The following TTC39C variants were observed in gnomAD, a reference collection of about 807,000 sequenced individuals.
TTC39C encodes tetratricopeptide repeat domain 39C, also known as tetratricopeptide repeat protein 39C.
In TTC39C, 33 loss-of-function variants were observed where a neutral mutation model predicts 76.3. The ratio of observed to expected loss-of-function variants is 0.43; its 90% CI spans 0.33 to 0.58. The LOEUF is 0.58. Ranked by LOEUF, TTC39C falls within the 20% of genes least tolerant of loss-of-function variation. TTC39C has a pLI of 0.04. For synonymous variants in TTC39C, 254 were observed against 260.6 expected, an observed-to-expected ratio of 0.97 and a Z score of 0.24; for missense variants, 595 against 701.4, an observed-to-expected ratio of 0.85 and a Z score of 1.71.
intron 1 of TTC39C, chr18:23,993,113 G>T (rs1239887071): frequency 1.3e-5 from 2 of 151,340 alleles, no homozygotes; most frequent in African/African-American, 4.9e-5. Flanking sequence ...TTATCATGTT[G>T]TCATTGCACT....
intron 1 of TTC39C, among the ~76,000 whole-genome samples, chr18:24,007,951 T>A (rs980981052): frequency 3.9e-5 from 6 of 152,196 alleles, no homozygotes; most frequent in Non-Finnish European, 8.8e-5. Flanking sequence ...TATTACAGAT[T>A]AACAAAGCAT....
At chr18:23,999,369 C>A (rs930682075) in intron 1 of TTC39C, among the ~76,000 whole-genome samples, 1 of 152,118 alleles carries the variant, frequency 6.6e-6, no homozygotes, top group South Asian at 2.1e-4. Context: ...GTCACAGCCA[C>A]GCAGGACTCT....
intron 1 of TTC39C, among the ~76,000 whole-genome samples, chr18:24,023,965 T>TATATACGTATATATATATATACACACAC (rs2083553154): frequency 9.5e-5 from 1 of 10,530 alleles, no homozygotes; most frequent in African/African-American, 1.7e-4. Context: ...TATATATATA[T>TATATACGTATATATATATATACACACAC]ATATATATAT....
rs1319241886 is a variant in TTC39C, at chr18:24,016,683, G to A, written c.167+1645G>A. On this transcript the variant is annotated intron_variant, in intron 1 of 13. Coordinates refer to ENST00000317571, the MANE Select transcript of TTC39C (RefSeq NM_001135993.2). ...AATAGAAGGCAGTATATGAGTGGTTGGAAAACTCTCTCCCAGCAACAGCAG... is the reference window on the plus strand; with the variant it reads ...AATAGAAGGCAGTATATGAGTGGTTAGAAAACTCTCTCCCAGCAACAGCAG... 7.5e-6 allele frequency: 3 copies of A among 398,510 alleles called. No individual in the cohort carries two copies. In the East Asian group the frequency reaches 1.1e-4, roughly 14 times the overall value. 24.7% of individuals were successfully genotyped at this position (398,510 alleles called of 1,614,324 possible).
chr18:24,132,907 C>A lies in TTC39C; in HGVS notation c.*333C>A. Reference sequence around the variant, plus strand: ...TCCAACCCAAGATCCTGTAGGAACACCTACCTTAAGCACATATCTGAATGG... The same window carrying A: ...TCCAACCCAAGATCCTGTAGGAACAACTACCTTAAGCACATATCTGAATGG... On this transcript the variant is annotated 3_prime_UTR_variant, in exon 14 of 14. Transcript: ENST00000317571. 1 of 200,614 alleles carries A rather than the reference C, an allele frequency of 5.0e-6. No homozygotes were observed. 12.4% of individuals were successfully genotyped at this position (200,614 alleles called of 1,614,324 possible).
At chr18:24,096,866 A>T (rs1159675060) in intron 6 of TTC39C, among the ~76,000 whole-genome samples, 1 of 152,222 alleles carries the variant, frequency 6.6e-6, no homozygotes, top group Non-Finnish European at 1.5e-5. Flanking sequence ...ACTCTTTTGT[A>T]AGCGATGATA....
At chr18:24,060,483 T>G (rs1160266883) in intron 1 of TTC39C, among the ~76,000 whole-genome samples, 2 of 152,088 alleles carry the variant, frequency 1.3e-5, no homozygotes, top group Admixed American at 1.3e-4. Flanking sequence ...AATTTTTGTA[T>G]TTTTAGTAGA....
chr18:24,013,985 T>C (rs975993669), upstream of TTC39C, among the ~76,000 whole-genome samples: 31 of 152,264 alleles, frequency 2.0e-4, no homozygotes, highest in Admixed American at 2.0e-3. Context: ...ACATGGCATA[T>C]AGGCCTCCAT....
At chr18:24,080,474 G>GT in intron 4 of TTC39C, 111 bp from the exon 5 acceptor site, 1 of 777,172 alleles carries the variant, frequency 1.3e-6, no homozygotes, top group Non-Finnish European at 2.0e-6. Flanking sequence ...TAATTTTTAT[G>GT]TTTTTTACAT....
intron 5 of TTC39C, 143 bp downstream of exon 5, chr18:24,081,082 C>T (rs2084370614): frequency 1.4e-6 from 1 of 729,128 alleles, no homozygotes; most frequent in East Asian, 2.7e-5. Context: ...CAATGCAACA[C>T]CAAGGACTGT....
chr18:24,082,073 A>G (rs1254767040), intron 5 of TTC39C, among the ~76,000 whole-genome samples: 2 of 139,790 alleles, frequency 1.4e-5, no homozygotes, highest in East Asian at 2.1e-4. Context: ...GGTGGAGTGC[A>G]GTGGCGCGAT....
chr18:24,096,701 T>G (rs946618058), intron 6 of TTC39C, among the ~76,000 whole-genome samples: 2 of 152,230 alleles, frequency 1.3e-5, no homozygotes, highest in African/African-American at 2.4e-5. Context: ...TCTTTCTTTT[T>G]ACTTTTTATA....
chr18:24,044,210 A>G (rs555884258), intron 1 of TTC39C, among the ~76,000 whole-genome samples: 2 of 152,244 alleles, frequency 1.3e-5, no homozygotes, highest in African/African-American at 4.8e-5. Context: ...GACTCTTTCT[A>G]GGATTTGAAT....
chr18:24,031,449 C>G (rs1334891317), intron 1 of TTC39C, among the ~76,000 whole-genome samples: 1 of 152,182 alleles, frequency 6.6e-6, no homozygotes, highest in Admixed American at 6.5e-5. Context: ...TTTTCTAGCC[C>G]TGATCTTCTT....
chr18:24,103,505 G>A (rs1445297544), intron 6 of TTC39C, among the ~76,000 whole-genome samples: 1 of 152,170 alleles, frequency 6.6e-6, no homozygotes, highest in Non-Finnish European at 1.5e-5. Flanking sequence ...CACACGTGTG[G>A]TCTGGTTCTT....
chr18:24,023,495 G>A (rs1406505245), intron 1 of TTC39C, among the ~76,000 whole-genome samples: 2 of 152,216 alleles, frequency 1.3e-5, no homozygotes, highest in Non-Finnish European at 2.9e-5. Flanking sequence ...TTGTAACTCT[G>A]GATGGCTGCT....
At chr18:24,070,155 C>T (rs996308122) in intron 4 of TTC39C, among the ~76,000 whole-genome samples, 1 of 152,072 alleles carries the variant, frequency 6.6e-6, no homozygotes, top group Non-Finnish European at 1.5e-5. Flanking sequence ...CTCGTACGAA[C>T]GATGCTTGGC....
intron 4 of TTC39C, among the ~76,000 whole-genome samples, chr18:24,071,534 T>G (rs998113698): frequency 4.6e-5 from 7 of 152,222 alleles, no homozygotes; most frequent in Non-Finnish European, 2.9e-5. Context: ...TTCTCTAATT[T>G]TTTGCAAAAT....
chr18:24,104,371 C>T (rs1236374738), intron 6 of TTC39C, among the ~76,000 whole-genome samples: 5 of 152,188 alleles, frequency 3.3e-5, no homozygotes, highest in Non-Finnish European at 7.3e-5. Context: ...CTTAAATGCA[C>T]AGGGCACAGG....
Sources: allele counts gnomAD v4.1 joint callset (sites outside exome capture counted in the v4.1 genomes callset), GRCh38; gene constraint gnomAD v4.1.1; transcripts MANE v1.5; gene names NCBI Gene and HGNC (gene_info 2026-07-23, HGNC 2026-07-21).